RNF144B: variants seen among roughly 807,000 people sequenced by gnomAD.
RNF144B encodes the protein ring finger protein 144B, also known as E3 ubiquitin-protein ligase RNF144B.
A neutral mutation model predicts 40.2 loss-of-function variants in RNF144B; 25 were observed. The ratio of observed to expected loss-of-function variants is 0.62; its 90% CI spans 0.45 to 0.87. RNF144B has a LOEUF of 0.87. RNF144B is among the 40% of genes least tolerant of loss of function. The pLI is 0.00. For missense variants in RNF144B, 365 were observed against 373.7 expected (o/e 0.98, Z 0.19); for synonymous variants, 145 against 136.3 (o/e 1.06, Z -0.44).
rs541521034 is a variant in RNF144B at position 18,464,540 on chromosome 6, T to G, written c.772-387T>G. Among the ~76,000 whole-genome samples the G allele has an allele frequency of 2.3e-3, 348 of 152,316 alleles. 3 individuals are homozygous for G. The highest frequency in any genetic ancestry group is 2.6e-3 in the Non-Finnish European group (175 of 68,024). ...ACTGGGAGGCTTAAAGAACAGAAAT[T>G]TACTTCTCATAGTTCTGGAGGCTGA... On this transcript the variant is annotated intron_variant, in intron 7 of 7. Transcript: ENST00000259939. This position sits in a 1 kb window ranked among gnomAD's most constrained non-coding sequence, Gnocchi z 6.1.
At chr6:18,409,840 G>A (rs922811262) in intron 2 of RNF144B, among the ~76,000 whole-genome samples, 1 of 152,060 alleles carries the variant, frequency 6.6e-6, no homozygotes. Context: ...AAACTGTTAG[G>A]ATTACAGGCG....
At position 18,464,888 on chromosome 6, in the gene RNF144B, A is replaced by C; in HGVS notation, c.772-39A>C. ...TTGGAATAAGTATACATATTGAAAG[A>C]CTTAATTGCTGAAATATGCTTTTCT... On this transcript the variant is annotated intron_variant, in intron 7 of 7. Coordinates refer to ENST00000259939, the MANE Select transcript of RNF144B (RefSeq NM_182757.4). This position sits in a 1 kb window ranked among gnomAD's most constrained non-coding sequence, Gnocchi z 6.1. 2 of 1,606,690 alleles carry C rather than the reference A, an allele frequency of 1.2e-6. No homozygotes were observed. The highest frequency in any genetic ancestry group is 1.7e-6 in the Non-Finnish European group (2 of 1,173,860).
At position 18,418,708 on chromosome 6, in the gene RNF144B, G is replaced by A. The variant is rs949934219; in HGVS notation, c.166-8873G>A. On this transcript the variant is annotated intron_variant, in intron 2 of 7. Transcript: ENST00000259939. This position sits in a 1 kb window ranked among gnomAD's most constrained non-coding sequence, Gnocchi z 5.2. ...ATACTGAATTGTACACTTTAGATGGGTGCATTGTATGGGTACGTGAATTAT... is the reference window on the plus strand; with the variant it reads ...ATACTGAATTGTACACTTTAGATGGATGCATTGTATGGGTACGTGAATTAT... Among the ~76,000 whole-genome samples the A allele has an allele frequency of 5.9e-5, 9 of 152,000 alleles. No individual in the cohort carries two copies. The highest frequency in any genetic ancestry group is 1.9e-4 in the African/African-American group (8 of 41,388).
At chr6:18,461,622 G>A (rs148478246) in intron 6 of RNF144B, among the ~76,000 whole-genome samples, 2 of 152,174 alleles carry the variant, frequency 1.3e-5, no homozygotes, top group Non-Finnish European at 2.9e-5. Flanking sequence ...GAGATGAAAT[G>A]GTGCAGATGT....
chr6:18,457,488 G>A lies in RNF144B; in HGVS notation c.536+129G>A. On this transcript the variant is annotated intron_variant, in intron 5 of 7. Coordinates refer to ENST00000259939, the MANE Select transcript of RNF144B (RefSeq NM_182757.4). This position sits in a 1 kb window ranked among gnomAD's most constrained non-coding sequence, Gnocchi z 5.1. Reference sequence around the variant, plus strand: ...GGTTATTTTCCTGCAGAACTTCCCTGAGAAGTGTCTCAGAATTGGTAAGTT... The same window carrying A: ...GGTTATTTTCCTGCAGAACTTCCCTAAGAAGTGTCTCAGAATTGGTAAGTT... 1.4e-6 allele frequency: 1 copy of A among 731,894 alleles called. No homozygotes were observed. The highest frequency in any genetic ancestry group is 2.4e-6 in the Non-Finnish European group (1 of 419,992). The allele number at this position is 731,894 out of a possible 1,614,324, so 45.3% of individuals were successfully genotyped here. A position where few individuals can be genotyped will look rare whatever the true frequency, so the allele number is the denominator to read the frequency against.
At position 18,410,098 on chromosome 6, in the gene RNF144B, CT is replaced by C. The variant is rs1370835639; in HGVS notation, c.165+10400del. ...AAACCACATATCAGAATGTAATAGG[CT>C]GGCCAAACATGCAAATCATGACCAG... On this transcript the variant is annotated intron_variant, in intron 2 of 7. Coordinates refer to ENST00000259939, the MANE Select transcript of RNF144B (RefSeq NM_182757.4). This position sits in a 1 kb window ranked among gnomAD's most constrained non-coding sequence, Gnocchi z 4.6. 6.6e-6 allele frequency among the ~76,000 whole-genome samples: 1 copy of C among 152,144 alleles called. No homozygotes were observed. Among genetic ancestry groups the C allele is most frequent in the Non-Finnish European group, 1.5e-5 (1 of 68,026 alleles).
chr6:18,445,839 C>T (rs7760795), intron 4 of RNF144B, among the ~76,000 whole-genome samples: 19,027 of 152,122 alleles, frequency 0.13, 1,368 homozygotes, highest in Admixed American at 0.19. Context: ...GGAGGGCAAC[C>T]GGACCTTAAA....
intron 4 of RNF144B, among the ~76,000 whole-genome samples, chr6:18,453,842 C>T (rs1759269400): frequency 6.6e-6 from 1 of 152,146 alleles, no homozygotes; most frequent in Non-Finnish European, 1.5e-5. Context: ...GAACTGGGTA[C>T]TTGCTTGCTA....
At chr6:18,392,545 A>G (rs1454173650) in intron 1 of RNF144B, among the ~76,000 whole-genome samples, 1 of 152,122 alleles carries the variant, frequency 6.6e-6, no homozygotes, top group Non-Finnish European at 1.5e-5. Flanking sequence ...TCTCCAAGTT[A>G]CAAAGTTGTG....
In RNF144B at chr6:18,387,521, G is replaced by A. The variant is rs41267736; in HGVS notation, c.-146G>A. ...CAGCCGCAGAGCACGGAGGAAAGAC[G>A]GAGAGAATGGAAGAGCTCCTGTCCG... On this transcript the variant is annotated 5_prime_UTR_variant, in exon 1 of 8. Transcript: ENST00000259939. The A allele has an allele frequency of 0.015, 19,143 of 1,313,296 alleles. 176 individuals are homozygous for A. Among genetic ancestry groups the A allele is most frequent in the Non-Finnish European group, 0.018 (17,628 of 1,003,004 alleles). The allele number at this position is 1,313,296 out of a possible 1,614,324, so 81.4% of individuals were successfully genotyped here. A position where few individuals can be genotyped will look rare whatever the true frequency, so the allele number is the denominator to read the frequency against.
intron 1 of RNF144B, among the ~76,000 whole-genome samples, chr6:18,392,610 A>G (rs1794607176): frequency 6.6e-6 from 1 of 152,162 alleles, no homozygotes; most frequent in Non-Finnish European, 1.5e-5. Flanking sequence ...CTAAGAAATT[A>G]TAGACTAAAT....
At chr6:18,404,913 A>T (rs12203092) in intron 2 of RNF144B, among the ~76,000 whole-genome samples, 2 of 151,920 alleles carry the variant, frequency 1.3e-5, no homozygotes, top group Non-Finnish European at 2.9e-5. Context: ...CTCTGGAACC[A>T]CAAGAAATAA....
At position 18,457,681 on chromosome 6, in the gene RNF144B, A is replaced by G. The variant is rs564514323; in HGVS notation, c.536+322A>G. 6.6e-6 allele frequency among the ~76,000 whole-genome samples: 1 copy of G among 152,288 alleles called. No homozygotes were observed. The highest frequency in any genetic ancestry group is 2.1e-4 in the South Asian group (1 of 4,830). On this transcript the variant is annotated intron_variant, in intron 5 of 7. Transcript: ENST00000259939. This position sits in a 1 kb window ranked among gnomAD's most constrained non-coding sequence, Gnocchi z 5.1. ...TTCCCGCTCTTTGCTCAGATACAGT[A>G]TCTGCCTGTATTGGTATATATCATT...
At position 18,442,626 on chromosome 6, in the gene RNF144B, A is replaced by G. The variant is rs574789361; in HGVS notation, c.331+2882A>G. 3.3e-5 allele frequency among the ~76,000 whole-genome samples: 5 copies of G among 152,330 alleles called. No individual in the cohort carries two copies. The highest frequency in any genetic ancestry group is 7.3e-5 in the Non-Finnish European group (5 of 68,032). ...TCAGTGACATTAATTACATTCATAC[A>G]GTTGTGCAGCCATCACCACTGCTTC... On this transcript the variant is annotated intron_variant, in intron 4 of 7. Coordinates refer to ENST00000259939, the MANE Select transcript of RNF144B (RefSeq NM_182757.4). This position sits in a 1 kb window ranked among gnomAD's most constrained non-coding sequence, Gnocchi z 4.3.
chr6:18,430,486 T>TTC (rs5874639), intron 3 of RNF144B, among the ~76,000 whole-genome samples: 1 of 149,086 alleles, frequency 6.7e-6, no homozygotes, highest in Non-Finnish European at 1.5e-5. Flanking sequence ...GCTTCTTGCT[T>TTC]TCTCTCTCTC....
At chr6:18,452,584 T>C (rs1443315801) in intron 4 of RNF144B, among the ~76,000 whole-genome samples, 1 of 152,174 alleles carries the variant, frequency 6.6e-6, no homozygotes, top group South Asian at 2.1e-4. Context: ...TTTGTACATA[T>C]GCAGATCAAA....
chr6:18,410,454 C>G lies in RNF144B; in HGVS notation c.165+10755C>G, dbSNP rs1795010927. On this transcript the variant is annotated intron_variant, in intron 2 of 7. Coordinates refer to ENST00000259939, the MANE Select transcript of RNF144B (RefSeq NM_182757.4). This position sits in a 1 kb window ranked among gnomAD's most constrained non-coding sequence, Gnocchi z 4.6. The stretch of plus-strand genomic sequence containing the variant: ...AGGGAGGTAGGAGGTTTCCTAAGGG[C>G]TGAGACTGAAAGATAATAGGGATTG... Among the ~76,000 whole-genome samples, 2 of 152,106 alleles carry G rather than the reference C, an allele frequency of 1.3e-5. No individual in the cohort carries two copies. The highest frequency in any genetic ancestry group is 4.8e-5 in the African/African-American group (2 of 41,418).
In RNF144B at chr6:18,419,462, C is replaced by A. The variant is rs1795210144; in HGVS notation, c.166-8119C>A. Among the ~76,000 whole-genome samples the A allele has an allele frequency of 6.6e-6, 1 of 152,032 alleles. No individual in the cohort carries two copies. The highest frequency in any genetic ancestry group is 2.4e-5 in the African/African-American group (1 of 41,374). Reference sequence around the variant, plus strand: ...AGTGTAGAAAGAAGAGAGTTTAGGTCCTTTCCTGAAATTCCAGCATTTAAA... The same window carrying A: ...AGTGTAGAAAGAAGAGAGTTTAGGTACTTTCCTGAAATTCCAGCATTTAAA... On this transcript the variant is annotated intron_variant, in intron 2 of 7. Transcript: ENST00000259939. This position sits in a 1 kb window ranked among gnomAD's most constrained non-coding sequence, Gnocchi z 4.6.
Position 18,427,683 on chromosome 6 carries a change from G to A in RNF144B, c.268G>A (p.Glu90Lys). The A allele has an allele frequency of 6.3e-7, 1 of 1,594,954 alleles. No individual in the cohort carries two copies. The highest frequency in any genetic ancestry group is 1.7e-4 in the Middle Eastern group (1 of 6,016). ...AAACCACGGGACCCTGCAGGAAGCTGAGGTATGAATGACTACCATCATCTT... is the reference window on the plus strand; with the variant it reads ...AAACCACGGGACCCTGCAGGAAGCTAAGGTATGAATGACTACCATCATCTT... Reference protein sequence around the residue: ...CLNHGTLQEAEIACLVPVDQF... With the variant: ...CLNHGTLQEAKIACLVPVDQF... Residue 90 changes from glutamate to lysine, a missense_variant and splice_region_variant, in exon 3 of 8, where the codon GAG becomes AAG. Physicochemically the swap from Glu to Lys is moderately conservative, Grantham distance 56. Transcript: ENST00000259939.
Sources: gnomAD v4.1 joint callset for allele counts (sites outside exome capture counted in the v4.1 genomes callset) on GRCh38, gnomAD v4.1.1 for gene constraint, Gnocchi (gnomAD v3.1) non-coding constraint, MANE v1.5 for transcripts, NCBI Gene and HGNC (gene_info 2026-07-23, HGNC 2026-07-21) for gene names.